Variants in WDHD1 observed in about 807,000 individuals in gnomAD.
WDHD1 encodes WD repeat and HMG-box DNA binding protein 1, also known as WD repeat and HMG-box DNA-binding protein 1.
Under a neutral mutation model 135.4 loss-of-function variants are expected in WDHD1, and 111 were observed. The observed-to-expected ratio is 0.82, with a 90% CI of 0.70 to 0.96. The LOEUF (loss-of-function observed/expected upper bound fraction) is 0.96. Ranked by LOEUF, WDHD1 falls within the 40% of genes least tolerant of loss-of-function variation. The pLI is 0.00. For missense variants in WDHD1, 1,351 were observed against 1,336.3 expected (o/e 1.01, Z -0.17); for synonymous variants, 434 against 439.0 (o/e 0.99, Z 0.14).
intron 16 of WDHD1, among the ~76,000 whole-genome samples, chr14:54,981,201 T>TCA (rs60283610): frequency 0.5 from 75,831 of 151,830 alleles, 20,352 homozygotes; most frequent in African/African-American, 0.69. Context: ...GAATATATAT[T>TCA]GTTTTATTTT....
intron 10 of WDHD1, among the ~76,000 whole-genome samples, chr14:55,000,124 C>A (rs1306532179): frequency 6.6e-6 from 1 of 152,140 alleles, no homozygotes; most frequent in Non-Finnish European, 1.5e-5. Context: ...AGGTATAAAA[C>A]AAGGTGCCTG....
intron 15 of WDHD1, among the ~76,000 whole-genome samples, chr14:54,984,378 C>T (rs2041664983): frequency 6.6e-6 from 1 of 152,094 alleles, no homozygotes; most frequent in Admixed American, 6.5e-5. Flanking sequence ...GCCTGTAGTC[C>T]CAGCTACTAA....
At chr14:55,017,698 A>G (rs550364284) in intron 2 of WDHD1, among the ~76,000 whole-genome samples, 1 of 152,330 alleles carries the variant, frequency 6.6e-6, no homozygotes, top group South Asian at 2.1e-4. Context: ...AAAGTACTTG[A>G]ATTTGGAATT....
chr14:54,944,925 G>A (rs1217154436), intron 24 of WDHD1, among the ~76,000 whole-genome samples: 1 of 152,032 alleles, frequency 6.6e-6, no homozygotes, highest in African/African-American at 2.4e-5. Flanking sequence ...ACTTTAAACT[G>A]CCTGGAGACT....
At chr14:54,974,859 C>G (rs1333942148) in intron 16 of WDHD1, among the ~76,000 whole-genome samples, 2 of 152,040 alleles carry the variant, frequency 1.3e-5, no homozygotes, top group Non-Finnish European at 2.9e-5. Context: ...CTGGAGAAAA[C>G]TAGGTCGTGT....
intron 16 of WDHD1, among the ~76,000 whole-genome samples, chr14:54,975,337 T>C (rs1336661627): frequency 6.6e-6 from 1 of 151,712 alleles, no homozygotes; most frequent in African/African-American, 2.4e-5. Flanking sequence ...AGATCAGTAA[T>C]TTCTCATATT....
intron 21 of WDHD1, among the ~76,000 whole-genome samples, chr14:54,961,962 G>A (rs752240002): frequency 2.0e-5 from 3 of 151,652 alleles, no homozygotes; most frequent in African/African-American, 4.9e-5. Flanking sequence ...TCAGCCTCCC[G>A]AGTAGCTGGG....
intron 24 of WDHD1, among the ~76,000 whole-genome samples, chr14:54,955,263 C>G (rs147315592): frequency 6.6e-6 from 1 of 152,006 alleles, no homozygotes; most frequent in Non-Finnish European, 1.5e-5. Context: ...GTATCTTTTG[C>G]TATTTCTCCC....
intron 23 of WDHD1, among the ~76,000 whole-genome samples, chr14:54,955,942 G>A (rs1158947112): frequency 7.5e-6 from 1 of 132,806 alleles, no homozygotes; most frequent in Admixed American, 9.0e-5. Flanking sequence ...CTGTTGCCCA[G>A]GCTGGAGTGC....
At chr14:54,949,737 C>G (rs916765209) in intron 24 of WDHD1, among the ~76,000 whole-genome samples, 1 of 151,400 alleles carries the variant, frequency 6.6e-6, no homozygotes, top group Non-Finnish European at 1.5e-5. Flanking sequence ...AAAAAATGTT[C>G]AGAGAGAAAG....
intron 10 of WDHD1, among the ~76,000 whole-genome samples, chr14:54,998,366 G>T (rs932846961): frequency 6.6e-6 from 1 of 152,064 alleles, no homozygotes; most frequent in African/African-American, 2.4e-5. Flanking sequence ...CTGACCTCAG[G>T]TGATCCACCG....
At chr14:54,972,950 T>C (rs1221160961) in intron 16 of WDHD1, among the ~76,000 whole-genome samples, 1 of 152,200 alleles carries the variant, frequency 6.6e-6, no homozygotes, top group Non-Finnish European at 1.5e-5. Context: ...CTGTTCTGAG[T>C]AGTCTATATA....
rs779132524 is a variant in WDHD1 at position 55,000,656 on chromosome 14, A to G, written c.801-12T>C. 1 of 1,526,446 alleles carries G rather than the reference A, an allele frequency of 6.6e-7. No homozygotes were observed. The highest frequency in any genetic ancestry group is 1.4e-5 in the South Asian group (1 of 72,698). The allele number at this position is 1,526,446 out of a possible 1,614,324, so 94.6% of individuals were successfully genotyped here. A position where few individuals can be genotyped will look rare whatever the true frequency, so the allele number is the denominator to read the frequency against. On this transcript the variant is annotated splice_polypyrimidine_tract_variant and intron_variant, in intron 9 of 25. Transcript: ENST00000360586. ...TCTCATGTTTCACCCTAAAAATTAA[A>G]AAGTAGGTTCTAAAAATACTGTCAA...
chr14:54,954,446 T>C (rs1479007497), intron 24 of WDHD1, among the ~76,000 whole-genome samples: 1 of 152,208 alleles, frequency 6.6e-6, no homozygotes, highest in Non-Finnish European at 1.5e-5. Context: ...AATCTGGCAT[T>C]GGAATTATAA....
chr14:54,945,182 G>A (rs542419008), intron 24 of WDHD1, among the ~76,000 whole-genome samples: 5 of 152,136 alleles, frequency 3.3e-5, no homozygotes, highest in South Asian at 4.1e-4. Context: ...CTTTGCCATC[G>A]CCTCACCCTT....
At chr14:55,022,552 T>C (rs1166738709) in intron 2 of WDHD1, among the ~76,000 whole-genome samples, 4 of 151,920 alleles carry the variant, frequency 2.6e-5, no homozygotes, top group Non-Finnish European at 5.9e-5. Context: ...TGTGGTGGTG[T>C]ATGCCTGTAA....
At chr14:55,003,888 A>G (rs2042019977) in intron 7 of WDHD1, among the ~76,000 whole-genome samples, 1 of 152,152 alleles carries the variant, frequency 6.6e-6, no homozygotes, top group Non-Finnish European at 1.5e-5. Flanking sequence ...TTTTATGTAC[A>G]CTGTCTGCTC....
chr14:55,015,425 G>A (rs955360188), intron 2 of WDHD1, among the ~76,000 whole-genome samples: 10 of 142,990 alleles, frequency 7.0e-5, no homozygotes, highest in Non-Finnish European at 7.5e-5. Context: ...GGGTTTGGCA[G>A]ACCTCTTCTT....
At chr14:54,941,794 AG>A (rs2040843293) in intron 25 of WDHD1, 104 bp from the exon 26 acceptor site, 2 of 985,612 alleles carry the variant, frequency 2.0e-6, no homozygotes, top group Middle Eastern at 6.0e-4. Flanking sequence ...TATATAAAGC[AG>A]AATAATTAGC....
Sources: allele counts gnomAD v4.1 joint callset (sites outside exome capture counted in the v4.1 genomes callset), GRCh38; gene constraint gnomAD v4.1.1; transcripts MANE v1.5; gene names NCBI Gene and HGNC (gene_info 2026-07-23, HGNC 2026-07-21).